DOCK8: variants seen among roughly 807,000 people sequenced by gnomAD.
The protein encoded by DOCK8 is dedicator of cytokinesis protein 8.
Under a neutral mutation model 245.6 loss-of-function variants are expected in DOCK8, and 141 were observed. That is an observed-to-expected ratio of 0.57 (90% CI 0.50 to 0.66). The LOEUF is 0.66. DOCK8 is among the 30% of genes least tolerant of loss of function. DOCK8 has a pLI of 0.00. For missense variants in DOCK8, 2,965 were observed against 2,603.4 expected (o/e 1.14, Z -3.02); for synonymous variants, 1,168 against 970.2 (o/e 1.20, Z -3.79).
chr9:421,886 A>G (rs1346228930), intron 32 of DOCK8, among the ~76,000 whole-genome samples, 162 bp from the exon 33 acceptor site: 1 of 152,198 alleles, frequency 6.6e-6, no homozygotes, highest in Non-Finnish European at 1.5e-5. Flanking sequence ...GCCAACTTGG[A>G]CATAGGTGTG....
rs765022106 is a variant in DOCK8, at chr9:334,346, C to A, written c.1247C>A (p.Thr416Asn). ...TTATCAAGCTTCTTCAATGTCTCCA[C>A]CCTTGAGAGGGAGGTAACTGATGTG... ...ISLSSFFNVS[T>N]LEREVTDVDS... The change falls in exon 11 of 48, where the codon ACC becomes AAC. Residue 416 changes from threonine (T) to asparagine (N), a missense_variant. This residue lies in a region of DOCK8 where 2,825 missense variants were observed against 2,453.5 expected (regional missense o/e 1.15). Coordinates refer to ENST00000432829, the MANE Select transcript of DOCK8 (RefSeq NM_203447.4). The A allele has an allele frequency of 1.2e-6, 2 of 1,614,024 alleles. No homozygotes were observed. Among genetic ancestry groups the A allele is most frequent in the African/African-American group, 1.3e-5 (1 of 74,924 alleles).
rs573194788 is a variant in DOCK8, at chr9:446,142, C to T, written c.5581-228C>T. On this transcript the variant is annotated intron_variant, in intron 43 of 47. Coordinates refer to ENST00000432829, the MANE Select transcript of DOCK8 (RefSeq NM_203447.4). ...TGCTAGGAAGGTGCGGCCGGTGGCC[C>T]TCACTCTCCCCACAGGCACATTCCC... Among the ~76,000 whole-genome samples, 3 of 152,350 alleles carry T rather than the reference C, an allele frequency of 2.0e-5. No individual in the cohort carries two copies. In the East Asian group the frequency reaches 5.8e-4, roughly 29 times the overall value.
chr9:382,879 G>C (rs1296560841), intron 22 of DOCK8, among the ~76,000 whole-genome samples, 194 bp downstream of exon 22: 2 of 152,106 alleles, frequency 1.3e-5, no homozygotes, highest in Admixed American at 1.3e-4. Context: ...AGCAAGACCA[G>C]CATCTGAGGA....
At chr9:382,054 A>G (rs1017459546) in intron 21 of DOCK8, among the ~76,000 whole-genome samples, 83 of 152,366 alleles carry the variant, frequency 5.4e-4, no homozygotes, top group African/African-American at 1.9e-3. Context: ...AGTGCTGTAT[A>G]CATCATATAC....
At chr9:443,995 A>C (rs1021058644) in intron 43 of DOCK8, among the ~76,000 whole-genome samples, 5 of 152,024 alleles carry the variant, frequency 3.3e-5, no homozygotes, top group African/African-American at 9.7e-5. Flanking sequence ...ACTCGACAAC[A>C]CTTAGTGGCT....
At chr9:400,197 CA>C (rs2054780594) in intron 26 of DOCK8, among the ~76,000 whole-genome samples, 1 of 118,716 alleles carries the variant, frequency 8.4e-6, no homozygotes, top group African/African-American at 3.3e-5. Flanking sequence ...TCACCATCAC[CA>C]TCACCACCAC....
At chr9:430,061 C>CT (rs1197003274) in intron 36 of DOCK8, among the ~76,000 whole-genome samples, 1 of 152,180 alleles carries the variant, frequency 6.6e-6, no homozygotes, top group African/African-American at 2.4e-5. Flanking sequence ...GCAGTGGTCT[C>CT]TATCAGTGTG....
chr9:287,495 A>T (rs2130311313), intron 3 of DOCK8, among the ~76,000 whole-genome samples: 1 of 152,326 alleles, frequency 6.6e-6, no homozygotes, highest in Non-Finnish European at 1.5e-5. Flanking sequence ...GAAGATCCTG[A>T]CACACAGCCC....
chr9:377,302 C>T, intron 20 of DOCK8, 91 bp downstream of exon 20: 1 of 1,277,246 alleles, frequency 7.8e-7, no homozygotes, highest in East Asian at 2.5e-5. Flanking sequence ...AATCCAGAGA[C>T]AATGTGATCT....
At chr9:271,767 A>G (rs1162664177) in intron 2 of DOCK8, 38 bp downstream of exon 2, 3 of 1,417,938 alleles carry the variant, frequency 2.1e-6, no homozygotes, top group African/African-American at 1.4e-5. Context: ...CGATTGGTCA[A>G]GTGCAAAAGT....
At chr9:439,015 C>T (rs2056996359) in intron 39 of DOCK8, among the ~76,000 whole-genome samples, 1 of 152,172 alleles carries the variant, frequency 6.6e-6, no homozygotes, top group Non-Finnish European at 1.5e-5. Flanking sequence ...TATACAAAAT[C>T]TCCTAATGGT....
At position 371,657 on chromosome 9, in the gene DOCK8, A is replaced by T. The variant is rs572660801; in HGVS notation, c.2007+91A>T. 5.8e-6 allele frequency: 9 copies of T among 1,560,636 alleles called. 1 individual carries two copies. The East Asian group carries it at 2.1e-4, about 37-fold the overall frequency. On this transcript the variant is annotated intron_variant, in intron 17 of 47. Coordinates refer to ENST00000432829, the MANE Select transcript of DOCK8 (RefSeq NM_203447.4). ...TAAACAACCAAATTCTATTCACTTG[A>T]TTTTTTCCAGTCAGAAGTAGCAAAA...
intron 1 of DOCK8, among the ~76,000 whole-genome samples, chr9:227,349 C>T (rs772811867): frequency 6.6e-6 from 1 of 152,180 alleles, no homozygotes; most frequent in Non-Finnish European, 1.5e-5. Flanking sequence ...TGTACCTTTA[C>T]ATATATTTGC....
chr9:353,581 A>G (rs187784419), intron 14 of DOCK8, among the ~76,000 whole-genome samples: 112 of 152,302 alleles, frequency 7.4e-4, no homozygotes, highest in African/African-American at 2.6e-3. Context: ...AACTATTTGC[A>G]AAGCCTGGGA....
At chr9:271,975 C>T (rs1407740476) in intron 2 of DOCK8, among the ~76,000 whole-genome samples, 3 of 152,106 alleles carry the variant, frequency 2.0e-5, no homozygotes, top group Non-Finnish European at 2.9e-5. Flanking sequence ...AGGTGGGCTT[C>T]CAGGTGACTC....
In DOCK8 at chr9:451,893, GCATATACATATACATA is replaced by G. The variant is rs1372850151; in HGVS notation, c.5962-117_5962-102del. 6.7e-3 allele frequency: 279 copies of G among 41,496 alleles called. 2 individuals are homozygous for G. The East Asian group carries it at 0.48, about 71-fold the overall frequency. The allele number at this position is 41,496 out of a possible 1,614,324, so 2.6% of individuals were successfully genotyped here. A position where few individuals can be genotyped will look rare whatever the true frequency, so the allele number is the denominator to read the frequency against. On this transcript the variant is annotated intron_variant, in intron 45 of 47. Coordinates refer to ENST00000432829, the MANE Select transcript of DOCK8 (RefSeq NM_203447.4). Reference sequence around the variant, plus strand: ...TGTGTATATATATATACATATATATGCATATACATATACATATGCATATACATATATATGTATGTGT... The same window carrying G: ...TGTGTATATATATATACATATATATGTGCATATACATATATATGTATGTGT...
At chr9:357,125 C>T (rs2052482575) in intron 14 of DOCK8, among the ~76,000 whole-genome samples, 1 of 152,168 alleles carries the variant, frequency 6.6e-6, no homozygotes, top group Non-Finnish European at 1.5e-5. Context: ...TAAAAGATAG[C>T]ATTCTTGAGG....
chr9:445,034 T>C (rs1262073277), intron 43 of DOCK8, among the ~76,000 whole-genome samples: 1 of 152,178 alleles, frequency 6.6e-6, no homozygotes, highest in Non-Finnish European at 1.5e-5. Context: ...TTGGCCAAAT[T>C]GAAGAGTTTG....
chr9:382,648 C>T lies in DOCK8; in HGVS notation c.2741C>T (p.Ala914Val), dbSNP rs750414960. The T allele has an allele frequency of 1.9e-6, 3 of 1,614,166 alleles. No homozygotes were observed. Among genetic ancestry groups the T allele is most frequent in the Non-Finnish European group, 2.5e-6 (3 of 1,180,034 alleles). Reference protein sequence around the residue: ...SNPDLAGTHSAADEEVKNIMS... With the variant: ...SNPDLAGTHSVADEEVKNIMS... ...CCAGACCTCGCGGGGACACACTCCG[C>T]AGCAGACGAGGAAGTGAAGAACATC... The change falls in exon 22 of 48, where the codon GCA (alanine) becomes GTA (valine). Residue 914 changes from alanine to valine, a missense_variant. By Grantham distance (64) the Ala-to-Val change is moderately conservative. This residue lies in a region of DOCK8 where 2,825 missense variants were observed against 2,453.5 expected (regional missense o/e 1.15). Coordinates refer to ENST00000432829, the MANE Select transcript of DOCK8 (RefSeq NM_203447.4).
Sources: allele counts gnomAD v4.1 joint callset (sites outside exome capture counted in the v4.1 genomes callset), GRCh38; gene constraint gnomAD v4.1.1; regional missense constraint gnomAD v4.1.1; transcripts MANE v1.5; gene names NCBI Gene and HGNC (gene_info 2026-07-23, HGNC 2026-07-21).